Variants in PRKN observed in about 807,000 individuals in gnomAD.
PRKN encodes the protein E3 ubiquitin-protein ligase parkin.
A neutral mutation model predicts 59.5 loss-of-function variants in PRKN; 56 were observed. The ratio of observed to expected loss-of-function variants is 0.94; its 90% CI spans 0.76 to 1.18. The LOEUF (loss-of-function observed/expected upper bound fraction) is 1.18, where lower values mean the gene tolerates loss of function less well. PRKN is among the 50% of genes most tolerant of loss of function. The pLI is 0.00. For synonymous variants in PRKN, 250 were observed against 222.1 expected, an observed-to-expected ratio of 1.13 and a Z score of -1.12; for missense variants, 657 against 596.4, an observed-to-expected ratio of 1.10 and a Z score of -1.06.
chr6:162,260,294 T>C (rs1352341870), intron 3 of PRKN, among the ~76,000 whole-genome samples: 1 of 152,062 alleles, frequency 6.6e-6, no homozygotes, highest in Admixed American at 6.6e-5. Flanking sequence ...GAGTGGAAAG[T>C]CAAGGTGAAA....
intron 1 of PRKN, among the ~76,000 whole-genome samples, chr6:162,593,671 G>A (rs1163159370): frequency 2.0e-5 from 3 of 152,082 alleles, no homozygotes; most frequent in African/African-American, 7.2e-5. Flanking sequence ...AGGAGCCAGC[G>A]GGCCCAGAGG....
At position 161,410,024 on chromosome 6, in the gene PRKN, C is replaced by T. The variant is rs867271941; in HGVS notation, c.1084-23147G>A. ...AAAGTGCTAAGCCAGGCACAGTGAC[C>T]TTTCCTGTACCTGTGCTAGGATGCA... On this transcript the variant is annotated intron_variant, in intron 9 of 11. Transcript: ENST00000366898. This position sits in a 1 kb window ranked among gnomAD's most constrained non-coding sequence, Gnocchi z 5.3. 3.3e-5 allele frequency among the ~76,000 whole-genome samples: 5 copies of T among 152,194 alleles called. No individual in the cohort carries two copies. The highest frequency in any genetic ancestry group is 2.1e-4 in the South Asian group (1 of 4,832).
intron 4 of PRKN, among the ~76,000 whole-genome samples, chr6:162,172,211 G>A (rs536963470): frequency 2.6e-5 from 4 of 152,306 alleles, no homozygotes; most frequent in South Asian, 4.1e-4. Flanking sequence ...ATGACAGATC[G>A]GAGCGGGGTG....
At position 161,578,328 on chromosome 6, in the gene PRKN, T is replaced by C. The variant is rs1332615297; in HGVS notation, c.872-8912A>G. Among the ~76,000 whole-genome samples, 1 of 152,114 alleles carries C rather than the reference T, an allele frequency of 6.6e-6. No homozygotes were observed. Among genetic ancestry groups the C allele is most frequent in the East Asian group, 1.9e-4 (1 of 5,184 alleles). ...TCCAGAAGAATTCTGCCCTGGAAGA[T>C]AAGCTTGTAAAGCAATAAATAACTT... On this transcript the variant is annotated intron_variant, in intron 7 of 11. Coordinates refer to ENST00000366898, the MANE Select transcript of PRKN (RefSeq NM_004562.3). This position sits in a 1 kb window ranked among gnomAD's most constrained non-coding sequence, Gnocchi z 4.2.
intron 9 of PRKN, among the ~76,000 whole-genome samples, chr6:161,474,111 G>T (rs1385149609): frequency 6.6e-6 from 1 of 152,170 alleles, no homozygotes; most frequent in African/African-American, 2.4e-5. Context: ...AAACTTACCA[G>T]TAAGTCACTC....
At chr6:161,944,586 A>G (rs1042811593) in intron 6 of PRKN, among the ~76,000 whole-genome samples, 9 of 152,250 alleles carry the variant, frequency 5.9e-5, no homozygotes, top group Middle Eastern at 3.4e-3. Flanking sequence ...CTAGATGATG[A>G]GTCTCTGAGC....
intron 5 of PRKN, among the ~76,000 whole-genome samples, chr6:161,978,813 C>T (rs917525226): frequency 2.6e-5 from 4 of 152,160 alleles, no homozygotes; most frequent in African/African-American, 9.7e-5. Context: ...TGAGTTCTAG[C>T]GTGTGCAGGG....
chr6:162,573,918 T>A (rs182597528), intron 1 of PRKN, among the ~76,000 whole-genome samples: 1 of 152,270 alleles, frequency 6.6e-6, no homozygotes, highest in African/African-American at 2.4e-5. Flanking sequence ...CCAAAACTAG[T>A]CGTGGGGAAG....
At chr6:162,477,280 T>C (rs1274061291) in intron 1 of PRKN, among the ~76,000 whole-genome samples, 1 of 152,122 alleles carries the variant, frequency 6.6e-6, no homozygotes, top group Non-Finnish European at 1.5e-5. Flanking sequence ...TTATCATCTC[T>C]CAGGTTTCAA....
rs777871261 is a variant in PRKN, at chr6:161,551,167, G to A, written c.934-2164C>T. ...GATATTTCATCAGGTAATGAATGATGAGACAGTTTATGTAACTGAGAGATT... is the reference window on the plus strand; with the variant it reads ...GATATTTCATCAGGTAATGAATGATAAGACAGTTTATGTAACTGAGAGATT... On this transcript the variant is annotated intron_variant, in intron 8 of 11. Coordinates refer to ENST00000366898, the MANE Select transcript of PRKN (RefSeq NM_004562.3). This position sits in a 1 kb window ranked among gnomAD's most constrained non-coding sequence, Gnocchi z 5.2. 2.0e-5 allele frequency among the ~76,000 whole-genome samples: 3 copies of A among 152,180 alleles called. No individual in the cohort carries two copies. Among genetic ancestry groups the A allele is most frequent in the East Asian group, 1.9e-4 (1 of 5,190 alleles).
intron 3 of PRKN, among the ~76,000 whole-genome samples, chr6:162,241,074 T>A (rs889930409): frequency 6.6e-6 from 1 of 152,226 alleles, no homozygotes; most frequent in East Asian, 1.9e-4. Flanking sequence ...AGAAAATGTA[T>A]GTTAAAGTTG....
chr6:161,912,478 C>T (rs559637300), intron 6 of PRKN, among the ~76,000 whole-genome samples: 11 of 151,160 alleles, frequency 7.3e-5, no homozygotes, highest in South Asian at 2.1e-4. Context: ...ATGTGACGGA[C>T]GCTTCAGAAC....
At chr6:162,492,192 C>T (rs1226163172) in intron 1 of PRKN, among the ~76,000 whole-genome samples, 1 of 152,194 alleles carries the variant, frequency 6.6e-6, no homozygotes, top group Non-Finnish European at 1.5e-5. Flanking sequence ...AAATGACTAA[C>T]ATGATAAAAG....
intron 2 of PRKN, among the ~76,000 whole-genome samples, chr6:162,346,321 T>C (rs1259245680): frequency 1.3e-5 from 2 of 152,068 alleles, no homozygotes; most frequent in Non-Finnish European, 2.9e-5. Flanking sequence ...TTCTATTAGA[T>C]TAATGAAAAT....
At chr6:162,269,899 G>C (rs1190965849) in intron 2 of PRKN, 1 of 152,086 alleles carries the variant, frequency 6.6e-6, no homozygotes, top group African/African-American at 2.4e-5. Context: ...GGTGATCAGG[G>C]AACACTTCTA....
chr6:161,738,384 G>T (rs1788052055), intron 7 of PRKN, among the ~76,000 whole-genome samples: 1 of 152,124 alleles, frequency 6.6e-6, no homozygotes, highest in Admixed American at 6.5e-5. Flanking sequence ...TCCATCTTCT[G>T]AATTCACATT....
intron 1 of PRKN, among the ~76,000 whole-genome samples, chr6:162,457,715 G>C (rs952511423): frequency 2.6e-5 from 4 of 152,010 alleles, no homozygotes; most frequent in Non-Finnish European, 5.9e-5. Context: ...TAATGAGTGT[G>C]TTGTGTTTGT....
intron 1 of PRKN, among the ~76,000 whole-genome samples, chr6:162,637,283 C>T (rs1316145797): frequency 2.9e-5 from 4 of 136,268 alleles, no homozygotes; most frequent in South Asian, 2.7e-4. Flanking sequence ...GCCCCCCCCC[C>T]CAAAAAAAAG....
At chr6:161,924,406 C>T (rs1352552175) in intron 6 of PRKN, among the ~76,000 whole-genome samples, 6 of 152,072 alleles carry the variant, frequency 3.9e-5, no homozygotes, top group African/African-American at 9.7e-5. Flanking sequence ...TCCTAGTTTG[C>T]GTTTAATGTC....
Sources: allele counts gnomAD v4.1 joint callset (sites outside exome capture counted in the v4.1 genomes callset), GRCh38; gene constraint gnomAD v4.1.1; non-coding constraint Gnocchi (gnomAD v3.1); transcripts MANE v1.5; gene names NCBI Gene and HGNC (gene_info 2026-07-23, HGNC 2026-07-21).